The following WDR70 variants were observed in gnomAD, a reference collection of about 807,000 sequenced individuals.
WDR70 encodes the protein WD repeat-containing protein 70.
A neutral mutation model predicts 88.6 loss-of-function variants in WDR70; 53 were observed. That is an observed-to-expected ratio of 0.60 (90% CI 0.48 to 0.75). The LOEUF (loss-of-function observed/expected upper bound fraction) is 0.75, where lower values mean the gene tolerates loss of function less well. Ranked by LOEUF, WDR70 falls within the 30% of genes least tolerant of loss-of-function variation. The pLI is 0.00. For synonymous variants in WDR70, 280 were observed against 270.0 expected (o/e 1.04, Z -0.36); for missense variants, 610 against 823.2 (o/e 0.74, Z 3.17).
chr5:37,440,148 A>G (rs1377195297), intron 6 of WDR70, among the ~76,000 whole-genome samples: 1 of 152,082 alleles, frequency 6.6e-6, no homozygotes, highest in African/African-American at 2.4e-5. Flanking sequence ...TTATATCTCT[A>G]TAAGATTTTG....
chr5:37,396,652 T>C (rs1749023488), intron 5 of WDR70, 82 bp downstream of exon 5: 2 of 1,445,816 alleles, frequency 1.4e-6, no homozygotes, highest in Admixed American at 5.2e-5. Flanking sequence ...CTGTTTTTCA[T>C]GAGTAAGAGC....
intron 8 of WDR70, among the ~76,000 whole-genome samples, chr5:37,488,618 C>T (rs1013219076): frequency 6.3e-5 from 9 of 142,486 alleles, no homozygotes; most frequent in Non-Finnish European, 1.4e-4. Context: ...TTTTTTATTT[C>T]GTTTATTGAA....
At chr5:37,683,407 A>C (rs191737283) in intron 10 of WDR70, among the ~76,000 whole-genome samples, 6 of 152,296 alleles carry the variant, frequency 3.9e-5, no homozygotes, top group Middle Eastern at 3.4e-3. Flanking sequence ...GCCATTATGC[A>C]GACTTGTTTG....
At chr5:37,581,176 C>A (rs1441116562) in intron 9 of WDR70, among the ~76,000 whole-genome samples, 1 of 151,958 alleles carries the variant, frequency 6.6e-6, no homozygotes, top group Non-Finnish European at 1.5e-5. Flanking sequence ...ATATAGGGAA[C>A]ACTGGTGGAT....
chr5:37,642,121 G>A (rs998505332), intron 10 of WDR70, among the ~76,000 whole-genome samples: 2 of 152,136 alleles, frequency 1.3e-5, no homozygotes, highest in African/African-American at 4.8e-5. Context: ...AGTTTAACAA[G>A]TGTTTCTTCT....
chr5:37,592,223 G>A (rs1743550092), intron 9 of WDR70, among the ~76,000 whole-genome samples: 1 of 152,150 alleles, frequency 6.6e-6, no homozygotes, highest in Admixed American at 6.5e-5. Context: ...TATACACATA[G>A]CCTGAAGGTA....
intron 5 of WDR70, among the ~76,000 whole-genome samples, chr5:37,422,877 C>T (rs189026918): frequency 2.6e-5 from 4 of 152,262 alleles, no homozygotes; most frequent in African/African-American, 9.6e-5. Context: ...ATCTGCCCGC[C>T]TCAGCCTCCC....
intron 17 of WDR70, among the ~76,000 whole-genome samples, chr5:37,743,577 C>T (rs1404239309): frequency 2.0e-5 from 3 of 152,200 alleles, no homozygotes; most frequent in Non-Finnish European, 4.4e-5. Flanking sequence ...GCATTTTTCC[C>T]CTGCTGGAGC....
chr5:37,548,795 A>C (rs888860755), intron 9 of WDR70, among the ~76,000 whole-genome samples: 3 of 152,110 alleles, frequency 2.0e-5, no homozygotes, highest in African/African-American at 7.2e-5. Flanking sequence ...TTAATTCTTT[A>C]ATCCATTTTG....
intron 10 of WDR70, among the ~76,000 whole-genome samples, chr5:37,637,382 A>G (rs1745002906): frequency 6.6e-6 from 1 of 151,220 alleles, no homozygotes; most frequent in Admixed American, 6.6e-5. Context: ...TAAATAAAAG[A>G]TTTATAAATA....
At chr5:37,636,033 T>A (rs1271164132) in intron 10 of WDR70, among the ~76,000 whole-genome samples, 1 of 152,196 alleles carries the variant, frequency 6.6e-6, no homozygotes, top group Non-Finnish European at 1.5e-5. Flanking sequence ...CCTAGCCCTG[T>A]GGAACTGTAA....
chr5:37,676,335 A>G (rs1319464003), intron 10 of WDR70, among the ~76,000 whole-genome samples: 2 of 152,012 alleles, frequency 1.3e-5, no homozygotes, highest in African/African-American at 2.4e-5. Flanking sequence ...GAATGCTTCC[A>G]GTTTTTGTCC....
At chr5:37,650,358 G>A (rs763434395) in intron 10 of WDR70, among the ~76,000 whole-genome samples, 2 of 151,892 alleles carry the variant, frequency 1.3e-5, no homozygotes, top group Non-Finnish European at 2.9e-5. Context: ...CCGAGATCAC[G>A]CTACTGCACT....
At chr5:37,610,381 G>A (rs1197786012) in intron 10 of WDR70, among the ~76,000 whole-genome samples, 1 of 149,894 alleles carries the variant, frequency 6.7e-6, no homozygotes, top group Non-Finnish European at 1.5e-5. Context: ...TTTTCAAAAT[G>A]TCTTTATTTA....
chr5:37,748,097 C>T (rs539029527), intron 17 of WDR70, among the ~76,000 whole-genome samples: 1 of 152,284 alleles, frequency 6.6e-6, no homozygotes, highest in Admixed American at 6.5e-5. Context: ...CTATTGCCAT[C>T]AAACTACTGT....
At chr5:37,413,302 G>A (rs1026497163) in intron 5 of WDR70, among the ~76,000 whole-genome samples, 1 of 152,216 alleles carries the variant, frequency 6.6e-6, no homozygotes, top group Admixed American at 6.5e-5. Context: ...GTCTTCTACA[G>A]ACTGGAACAA....
At chr5:37,637,256 G>A (rs372301866) in intron 10 of WDR70, among the ~76,000 whole-genome samples, 76 of 151,876 alleles carry the variant, frequency 5.0e-4, no homozygotes, top group African/African-American at 1.7e-3. Context: ...CAGGAGAATC[G>A]CTTGAACCTG....
At chr5:37,518,536 ATTC>A (rs1740965122) in intron 9 of WDR70, among the ~76,000 whole-genome samples, 1 of 152,110 alleles carries the variant, frequency 6.6e-6, no homozygotes, top group African/African-American at 2.4e-5. Flanking sequence ...ACTGGATCTC[ATTC>A]TTTTTTCATG....
At chr5:37,503,745 A>C (rs1303180581) in intron 8 of WDR70, among the ~76,000 whole-genome samples, 4 of 93,278 alleles carry the variant, frequency 4.3e-5, no homozygotes, top group Non-Finnish European at 8.5e-5. Flanking sequence ...CCTGGTCCTG[A>C]GTTTTGTTTT....
Sources: gnomAD v4.1 joint callset for allele counts (sites outside exome capture counted in the v4.1 genomes callset) on GRCh38, gnomAD v4.1.1 for gene constraint, MANE v1.5 for transcripts, NCBI Gene and HGNC (gene_info 2026-07-23, HGNC 2026-07-21) for gene names.